SIPA1L2: variants seen among roughly 807,000 people sequenced by gnomAD.
SIPA1L2 encodes the protein signal-induced proliferation-associated 1-like protein 2.
SIPA1L2 carries 56 observed loss-of-function variants against 163.9 expected under a neutral mutation model. That is an observed-to-expected ratio of 0.34 (90% CI 0.28 to 0.43). The LOEUF (loss-of-function observed/expected upper bound fraction) is 0.43. SIPA1L2 is among the 20% of genes least tolerant of loss of function. SIPA1L2 has a pLI of 1.00. For missense variants in SIPA1L2, 1,974 were observed against 2,193.5 expected, an observed-to-expected ratio of 0.90 and a Z score of 2.00; for synonymous variants, 877 against 865.7, an observed-to-expected ratio of 1.01 and a Z score of -0.23.
intron 18 of SIPA1L2, among the ~76,000 whole-genome samples, chr1:232,418,058 A>G (rs1661361707): frequency 6.6e-6 from 1 of 152,194 alleles, no homozygotes; most frequent in South Asian, 2.1e-4. Flanking sequence ...CAACTCGTGA[A>G]TTTTCCTTGT....
intron 7 of SIPA1L2, among the ~76,000 whole-genome samples, chr1:232,474,147 A>C (rs1482319672): frequency 6.6e-6 from 1 of 152,188 alleles, no homozygotes; most frequent in Admixed American, 6.5e-5. Flanking sequence ...TATTTGTTTG[A>C]GGGAATTGTA....
At chr1:232,444,913 G>A (rs539203317) in intron 11 of SIPA1L2, among the ~76,000 whole-genome samples, 2 of 152,252 alleles carry the variant, frequency 1.3e-5, no homozygotes, top group African/African-American at 2.4e-5. Flanking sequence ...AAAGGAGTAC[G>A]AATTAACAAC....
chr1:232,516,676 A>G (rs1667234439), intron 2 of SIPA1L2, among the ~76,000 whole-genome samples: 1 of 152,130 alleles, frequency 6.6e-6, no homozygotes. Flanking sequence ...CCACCATAAG[A>G]AAAATATCTG....
intron 1 of SIPA1L2, among the ~76,000 whole-genome samples, chr1:232,597,501 C>T (rs182995070): frequency 1.6e-3 from 233 of 150,258 alleles, no homozygotes; most frequent in Admixed American, 3.9e-3. Context: ...CACGGTGAAA[C>T]CCCGTCTCTA....
At chr1:232,443,522 G>A (rs531392415) in intron 12 of SIPA1L2, 80 bp downstream of exon 12, 2 of 1,100,466 alleles carry the variant, frequency 1.8e-6, no homozygotes, top group South Asian at 3.9e-5. Flanking sequence ...AGGTACAGAA[G>A]GCACACAGTA....
chr1:232,425,573 C>T lies in SIPA1L2; in HGVS notation c.4630+16G>A, dbSNP rs1661842067. On this transcript the variant is annotated intron_variant, in intron 18 of 22. Coordinates refer to ENST00000674635, the MANE Select transcript of SIPA1L2 (RefSeq NM_020808.5). ...ACCCTCGGCGCTGGCCAGGGAGCAG[C>T]CAGCCCCTCACTTACTTCTCAGGCT... 2 of 1,546,342 alleles carry T rather than the reference C, an allele frequency of 1.3e-6. No individual in the cohort carries two copies. Among genetic ancestry groups the T allele is most frequent in the Non-Finnish European group, 8.8e-7 (1 of 1,140,600 alleles).
chr1:232,513,680 A>G (rs191029005), intron 3 of SIPA1L2, among the ~76,000 whole-genome samples, 177 bp downstream of exon 3: 171 of 152,346 alleles, frequency 1.1e-3, no homozygotes, highest in Non-Finnish European at 1.0e-3. Context: ...GCAGTTTTCT[A>G]AAGAAAAAAT....
chr1:232,447,288 T>C (rs1410801967), intron 10 of SIPA1L2, among the ~76,000 whole-genome samples: 1 of 152,238 alleles, frequency 6.6e-6, no homozygotes, highest in Non-Finnish European at 1.5e-5. Context: ...AATCTTTCTA[T>C]TGGACAGCCC....
chr1:232,591,953 C>T (rs925044670), intron 1 of SIPA1L2, among the ~76,000 whole-genome samples: 10 of 152,080 alleles, frequency 6.6e-5, no homozygotes, highest in African/African-American at 1.9e-4. Flanking sequence ...CTGTAAGTGC[C>T]GCCTGCCATC....
chr1:232,471,968 C>T (rs891032503), intron 7 of SIPA1L2, among the ~76,000 whole-genome samples: 3 of 152,172 alleles, frequency 2.0e-5, no homozygotes, highest in African/African-American at 4.8e-5. Flanking sequence ...AGTAAAGTAA[C>T]GTGCATTTCT....
intron 8 of SIPA1L2, among the ~76,000 whole-genome samples, chr1:232,468,192 T>C (rs115022133): frequency 2.2e-3 from 329 of 152,284 alleles, no homozygotes; most frequent in Non-Finnish European, 3.8e-3. Flanking sequence ...TTCAGATAAT[T>C]CCCATTGTGT....
At chr1:232,424,367 C>A (rs1037059836) in intron 18 of SIPA1L2, among the ~76,000 whole-genome samples, 17 of 133,776 alleles carry the variant, frequency 1.3e-4, no homozygotes, top group Admixed American at 1.2e-3. Context: ...ACATCTTTCA[C>A]CTGGAAACAA....
intron 18 of SIPA1L2, among the ~76,000 whole-genome samples, chr1:232,422,919 A>G (rs1375114762): frequency 1.3e-5 from 2 of 152,222 alleles, no homozygotes; most frequent in Non-Finnish European, 2.9e-5. Flanking sequence ...GAAACCATAG[A>G]AAGAAGAGGA....
chr1:232,428,371 T>TA (rs775028798), intron 17 of SIPA1L2, 40 bp downstream of exon 17: 7 of 1,267,534 alleles, frequency 5.5e-6, no homozygotes, highest in African/African-American at 3.4e-5. Context: ...TTTTTTTTTT[T>TA]AGTGTTTCTG....
At chr1:232,612,785 G>C (rs1662313523) in intron 1 of SIPA1L2, among the ~76,000 whole-genome samples, 1 of 152,202 alleles carries the variant, frequency 6.6e-6, no homozygotes, top group Non-Finnish European at 1.5e-5. Context: ...GAAATGAGTA[G>C]ACATTGGGGG....
chr1:232,453,832 C>G (rs1663730623), intron 10 of SIPA1L2, among the ~76,000 whole-genome samples: 1 of 149,640 alleles, frequency 6.7e-6, no homozygotes, highest in African/African-American at 2.5e-5. Context: ...CTAAAAGAAT[C>G]TTTGGAAACA....
intron 2 of SIPA1L2, among the ~76,000 whole-genome samples, chr1:232,563,739 G>C (rs1410810342): frequency 1.3e-5 from 2 of 152,178 alleles, no homozygotes; most frequent in Non-Finnish European, 2.9e-5. Flanking sequence ...TTTTATGACG[G>C]AGTCTCGCTC....
At chr1:232,612,522 A>G (rs898265674) in intron 1 of SIPA1L2, among the ~76,000 whole-genome samples, 4 of 152,196 alleles carry the variant, frequency 2.6e-5, no homozygotes, top group African/African-American at 7.2e-5. Flanking sequence ...TGGATGTGAG[A>G]CCTGGAGTCA....
chr1:232,578,157 C>A (rs78355719), intron 1 of SIPA1L2, among the ~76,000 whole-genome samples: 4,494 of 151,986 alleles, frequency 0.03, 209 homozygotes, highest in African/African-American at 0.1. Context: ...CATTTTTTAG[C>A]AAAAAGTATT....
Sources: allele counts gnomAD v4.1 joint callset (sites outside exome capture counted in the v4.1 genomes callset), GRCh38; gene constraint gnomAD v4.1.1; transcripts MANE v1.5; gene names NCBI Gene and HGNC (gene_info 2026-07-23, HGNC 2026-07-21).